The following CALN1 variants were observed in gnomAD, a reference collection of about 807,000 sequenced individuals.
The protein encoded by CALN1 is calneuron 1.
In CALN1, 17 loss-of-function variants were observed where a neutral mutation model predicts 30.6. The ratio of observed to expected loss-of-function variants is 0.56; its 90% CI spans 0.38 to 0.83. The LOEUF is 0.83. Among genes scored for constraint, CALN1 ranks in the 40% least tolerant of loss-of-function variants. The pLI, the probability that CALN1 is intolerant of heterozygous loss-of-function variation, is 0.00. For synonymous variants in CALN1, 156 were observed against 131.4 expected, an observed-to-expected ratio of 1.19 and a Z score of -1.28; for missense variants, 291 against 354.9, an observed-to-expected ratio of 0.82 and a Z score of 1.45.
In CALN1 at chr7:72,289,387, G is replaced by A. The variant is rs1426849855; in HGVS notation, c.120-10577C>T. ...TTTTCCAGACTTTCTTGCTACTAAG[G>A]TTCTGGATGAAAGTTAGTTCTAATA... is the stretch of plus-strand genomic sequence containing the variant. On this transcript the variant is annotated intron_variant, in intron 2 of 6. Transcript: ENST00000395275. Among the ~76,000 whole-genome samples, 4 of 152,184 alleles carry A rather than the reference G, an allele frequency of 2.6e-5. No homozygotes were observed. In the East Asian group the frequency reaches 7.7e-4, roughly 29 times the overall value.
intron 2 of CALN1, among the ~76,000 whole-genome samples, chr7:72,301,844 T>C (rs959908414): frequency 9.9e-5 from 15 of 152,052 alleles, no homozygotes; most frequent in Non-Finnish European, 7.4e-5. Flanking sequence ...CTGCCTCTTA[T>C]CACAGCCCAT....
intron 3 of CALN1, among the ~76,000 whole-genome samples, chr7:72,178,701 G>C (rs996393777): frequency 7.4e-6 from 1 of 134,874 alleles, no homozygotes; most frequent in Non-Finnish European, 1.7e-5. Flanking sequence ...AAAAAAAAAA[G>C]AAAGAAAGAA....
intron 3 of CALN1, among the ~76,000 whole-genome samples, chr7:72,155,347 C>T (rs1787579372): frequency 2.6e-5 from 4 of 151,850 alleles, no homozygotes; most frequent in Admixed American, 6.6e-5. Context: ...AAAAAATTAG[C>T]CGGGCGTGGT....
the CALN1 span, among the ~76,000 whole-genome samples, chr7:72,473,793 G>T: frequency 1.3e-5 from 2 of 152,032 alleles, no homozygotes; most frequent in Non-Finnish European, 2.9e-5. Flanking sequence ...AATTAGCCAG[G>T]CATGGTGGCA....
chr7:71,809,372 G>A (rs1445805920), intron 6 of CALN1, among the ~76,000 whole-genome samples: 1 of 146,886 alleles, frequency 6.8e-6, no homozygotes, highest in Non-Finnish European at 1.5e-5. Flanking sequence ...CTGGCTCTAA[G>A]GGAGACAGCT....
chr7:72,040,478 C>T (rs961383486), intron 4 of CALN1, among the ~76,000 whole-genome samples: 1 of 152,068 alleles, frequency 6.6e-6, no homozygotes, highest in Non-Finnish European at 1.5e-5. Flanking sequence ...GAGAAAGACC[C>T]TGTCTCAAAA....
chr7:72,167,395 A>T (rs1429083257), intron 3 of CALN1, among the ~76,000 whole-genome samples: 1 of 152,146 alleles, frequency 6.6e-6, no homozygotes, highest in Non-Finnish European at 1.5e-5. Flanking sequence ...CCCAGCTTGG[A>T]ATACAGTGAT....
chr7:72,270,687 A>G (rs1300885210), intron 3 of CALN1, among the ~76,000 whole-genome samples: 2 of 152,320 alleles, frequency 1.3e-5, no homozygotes, highest in East Asian at 1.9e-4. Flanking sequence ...AGGCAGGAGC[A>G]TCGCTTGAGA....
At chr7:71,937,305 T>C (rs112439871) in intron 5 of CALN1, among the ~76,000 whole-genome samples, 11,318 of 151,822 alleles carry the variant, frequency 0.075, 729 homozygotes, top group East Asian at 0.21. Flanking sequence ...AGTGAAACTT[T>C]GTCTCAAAAC....
intron 5 of CALN1, among the ~76,000 whole-genome samples, chr7:71,947,270 C>T (rs1032850033): frequency 6.6e-6 from 1 of 152,116 alleles, no homozygotes; most frequent in African/African-American, 2.4e-5. Context: ...CTCGGCCTCC[C>T]GAACTGCCGA....
rs77530041 is a variant in CALN1, at chr7:72,028,671, C to T, written c.389-4902G>A. ...TCCAGATTGGCCAATGTATGTTTTT[C>T]GCTTGTGATACTTTGATTTATAATA... On this transcript the variant is annotated intron_variant, in intron 4 of 6. Transcript: ENST00000395275. Among the ~76,000 whole-genome samples, 52 of 152,220 alleles carry T rather than the reference C, an allele frequency of 3.4e-4. No homozygotes were observed. In the East Asian group the frequency reaches 3.7e-3, roughly 11 times the overall value.
At chr7:71,871,721 A>G (rs35591931) in intron 5 of CALN1, among the ~76,000 whole-genome samples, 37,416 of 151,678 alleles carry the variant, frequency 0.25, 4,940 homozygotes, top group African/African-American at 0.32. Context: ...ACTCTTCTCT[A>G]GTTTCCCATG....
chr7:72,011,142 A>T (rs926461181), intron 5 of CALN1, among the ~76,000 whole-genome samples: 1 of 151,430 alleles, frequency 6.6e-6, no homozygotes, highest in African/African-American at 2.4e-5. Context: ...ACAGAGTGAG[A>T]TTCCGTCAAA....
At chr7:72,175,044 T>C (rs1252668232) in intron 3 of CALN1, among the ~76,000 whole-genome samples, 1 of 152,026 alleles carries the variant, frequency 6.6e-6, no homozygotes, top group African/African-American at 2.4e-5. Flanking sequence ...ATATGTGCAG[T>C]GTACTGTATG....
chr7:71,855,371 T>G (rs1790884593), intron 5 of CALN1, among the ~76,000 whole-genome samples: 2 of 152,112 alleles, frequency 1.3e-5, no homozygotes, highest in Non-Finnish European at 1.5e-5. Flanking sequence ...AATGTGACAT[T>G]CAGTTTTAGG....
intron 4 of CALN1, among the ~76,000 whole-genome samples, chr7:72,105,825 A>AG (rs1807063774): frequency 2.0e-5 from 1 of 48,886 alleles, no homozygotes. Flanking sequence ...GGGGAGGGAG[A>AG]GGGGGATAGG....
chr7:72,219,386 T>C (rs1408926432), intron 3 of CALN1, among the ~76,000 whole-genome samples: 1 of 152,064 alleles, frequency 6.6e-6, no homozygotes, highest in Non-Finnish European at 1.5e-5. Context: ...CCACCACAAC[T>C]GGCTAATTTT....
At chr7:72,407,819 A>G (rs76351763) in intron 1 of CALN1, among the ~76,000 whole-genome samples, 1 of 152,098 alleles carries the variant, frequency 6.6e-6, no homozygotes, top group Non-Finnish European at 1.5e-5. Flanking sequence ...GGCCGGATGG[A>G]GGTGGGATGT....
intron 5 of CALN1, among the ~76,000 whole-genome samples, chr7:71,891,646 T>C (rs189793241): frequency 6.6e-6 from 1 of 152,300 alleles, no homozygotes; most frequent in Non-Finnish European, 1.5e-5. Context: ...TTTCCTAGCA[T>C]ATAACAAGTG....
Sources: gnomAD v4.1 joint callset for allele counts (sites outside exome capture counted in the v4.1 genomes callset) on GRCh38, gnomAD v4.1.1 for gene constraint, MANE v1.5 for transcripts, NCBI Gene and HGNC (gene_info 2026-07-23, HGNC 2026-07-21) for gene names.